Variants in ALG12 observed in about 807,000 individuals in gnomAD.
ALG12 encodes dol-P-Man:Man(7)GlcNAc(2)-PP-Dol alpha-1,6-mannosyltransferase.
ALG12 carries 36 observed loss-of-function variants against 46.0 expected under a neutral mutation model. The observed-to-expected ratio is 0.78, with a 90% confidence interval of 0.60 to 1.03. ALG12 has a LOEUF of 1.03. Ranked by LOEUF, ALG12 falls within the 50% of genes least tolerant of loss-of-function variation. The pLI is 0.00. For missense variants in ALG12, 599 were observed against 633.5 expected, an observed-to-expected ratio of 0.95 and a Z score of 0.58; for synonymous variants, 326 against 291.6, an observed-to-expected ratio of 1.12 and a Z score of -1.20.
At chr22:49,874,632 C>T in the ALG12 span, among the ~76,000 whole-genome samples, 4 of 140,164 alleles carry the variant, frequency 2.9e-5, no homozygotes, top group African/African-American at 7.9e-5. Context: ...CTTGGCCTCC[C>T]GAAGTGCTGG....
intron 5 of ALG12, among the ~76,000 whole-genome samples, 181 bp from the exon 6 acceptor site, chr22:49,909,528 T>TG (rs2060563264): frequency 6.6e-6 from 1 of 152,030 alleles, no homozygotes; most frequent in African/African-American, 2.4e-5. Context: ...ATCATGCCAC[T>TG]GCACTCCATC....
chr22:49,864,943 C>CG, the ALG12 span, among the ~76,000 whole-genome samples: 2 of 10,892 alleles, frequency 1.8e-4, no homozygotes, highest in African/African-American at 4.7e-4. Flanking sequence ...GCAAGCCCCC[C>CG]CCCCCCCCCG....
chr22:49,908,309 C>CTACTACAA (rs199666374), intron 6 of ALG12, among the ~76,000 whole-genome samples: 1 of 129,334 alleles, frequency 7.7e-6, no homozygotes. Context: ...GTGGGTAGAT[C>CTACTACAA]ACGAGGTAAA....
the ALG12 span, among the ~76,000 whole-genome samples, chr22:49,864,913 G>T: frequency 7.4e-6 from 1 of 135,446 alleles, no homozygotes; most frequent in South Asian, 2.4e-4. Flanking sequence ...CTCCTTGATT[G>T]ACCATGGGGT....
chr22:49,913,704 G>A lies in ALG12; in HGVS notation c.62C>T (p.Ala21Val), dbSNP rs766378130. The change falls in exon 2 of 10, where the codon GCC becomes GTC. Residue 21 changes from alanine (A) to valine (V), a missense_variant. Ala to Val is a moderately conservative substitution (Grantham distance 64). Transcript: ENST00000330817. Reference sequence around the variant, plus strand: ...GGGACAGATGACCAGGTGGACAGTGGCTACGGCCACCAGCAGCCCCAGCAG... The same window carrying A: ...GGGACAGATGACCAGGTGGACAGTGACTACGGCCACCAGCAGCCCCAGCAG... ...PLLLGLLVAV[A>V]TVHLVICPYT... 4 of 1,613,370 alleles carry A rather than the reference G, an allele frequency of 2.5e-6. No individual in the cohort carries two copies. In the East Asian group the frequency reaches 8.9e-5, roughly 36 times the overall value.
At chr22:49,872,737 C>T in the ALG12 span, among the ~76,000 whole-genome samples, 4 of 151,592 alleles carry the variant, frequency 2.6e-5, no homozygotes, top group South Asian at 2.1e-4. Context: ...TGGAGACTCA[C>T]TCCATCGCCC....
Position 49,907,831 on chromosome 22 carries a change from C to T in ALG12, c.882G>A (p.Leu294=), listed in dbSNP as rs1381523079. The change falls in exon 7 of 10, where the codon CTG becomes CTA. Residue 294 remains leucine (L), a synonymous_variant. Transcript: ENST00000330817. ...AGTAGAGTGCCATGAAGCCCAGTGC[C>T]AGCACCGTCGGCGCGTGCGTCCTTC... is the stretch of plus-strand genomic sequence containing the variant. ...VDRRTHAPTV[L]ALGFMALYSL... The T allele has an allele frequency of 6.2e-7, 1 of 1,614,084 alleles. No individual in the cohort carries two copies. Among genetic ancestry groups the T allele is most frequent in the Non-Finnish European group, 8.5e-7 (1 of 1,180,016 alleles).
chr22:49,867,769 G>A, the ALG12 span, among the ~76,000 whole-genome samples: 1 of 152,106 alleles, frequency 6.6e-6, no homozygotes, highest in Non-Finnish European at 1.5e-5. Context: ...CTTCCATCCT[G>A]ATACACCCAT....
chr22:49,869,121 C>CAAA, the ALG12 span, among the ~76,000 whole-genome samples: 62 of 93,402 alleles, frequency 6.6e-4, no homozygotes, highest in African/African-American at 1.8e-3. Context: ...AAAACTGTCT[C>CAAA]AAAAAAAAAA....
the ALG12 span, among the ~76,000 whole-genome samples, chr22:49,881,555 T>G: frequency 1.3e-5 from 2 of 152,218 alleles, no homozygotes; most frequent in African/African-American, 2.4e-5. Context: ...TGGCTAATTT[T>G]GTTTGTAAAG....
chr22:49,893,321 C>T, the ALG12 span, among the ~76,000 whole-genome samples: 1 of 152,080 alleles, frequency 6.6e-6, no homozygotes, highest in Non-Finnish European at 1.5e-5. Flanking sequence ...TCTTTGAACC[C>T]CAATGAGGAT....
the ALG12 span, chr22:49,885,816 C>G: frequency 6.3e-7 from 1 of 1,581,866 alleles, no homozygotes; most frequent in East Asian, 2.2e-5. Context: ...TAATTATGTC[C>G]CACCTTAAGG....
At chr22:49,876,733 GATGACTTCTGC>G in the ALG12 span, among the ~76,000 whole-genome samples, 7 of 151,996 alleles carry the variant, frequency 4.6e-5, no homozygotes, top group Non-Finnish European at 7.4e-5. Context: ...TCGTTTTCAT[GATGACTTCTGC>G]ATTGCTCGAG....
chr22:49,884,340 T>C, the ALG12 span: 1 of 1,613,438 alleles, frequency 6.2e-7, no homozygotes, highest in Non-Finnish European at 8.5e-7. Context: ...CAGAGGAGTC[T>C]GTGTCTGTAG....
the ALG12 span, chr22:49,885,231 T>C: frequency 0.012 from 19,152 of 1,611,934 alleles, 377 homozygotes; most frequent in South Asian, 0.067. Flanking sequence ...TGGCAAACTC[T>C]CCGTATGCCA....
At chr22:49,885,999 C>T in the ALG12 span, 22 of 691,392 alleles carry the variant, frequency 3.2e-5, no homozygotes, top group African/African-American at 7.1e-5. Flanking sequence ...ACTGCGACTA[C>T]AGTGGCAACA....
In ALG12 at chr22:49,913,437, C is replaced by T. The variant is rs564172046; in HGVS notation, c.243G>A (p.Ala81=). 135 of 1,613,992 alleles carry T rather than the reference C, an allele frequency of 8.4e-5. No homozygotes were observed. The highest frequency in any genetic ancestry group is 2.7e-4 in the Admixed American group (16 of 60,030). ...PVVIAVFSSP[A]VYVLSLLEMS... is the part of the protein sequence containing the mutation. The stretch of plus-strand genomic sequence containing the variant: ...TTTCTAACAGCGAAAGCACGTAAAC[C>T]GCGGGGCTGGAGAACACTGCGATCA... Residue 81 remains alanine, a synonymous_variant, in exon 3 of 10, where the codon GCG becomes GCA. Transcript: ENST00000330817.
chr22:49,886,637 G>A, the ALG12 span: 7 of 1,589,790 alleles, frequency 4.4e-6, no homozygotes, highest in South Asian at 1.1e-5. The surrounding 1 kb of genome is among the most constrained non-coding windows in gnomAD (Gnocchi z 7.7). Flanking sequence ...ATGGTGAGCC[G>A]CCTGTCTGCC....
rs1304620674 is a variant in ALG12, at chr22:49,903,532, T to C, written c.*306A>G. 3 of 569,088 alleles carry C rather than the reference T, an allele frequency of 5.3e-6. No homozygotes were observed. The highest frequency in any genetic ancestry group is 1.0e-5 in the Non-Finnish European group (3 of 299,820). The allele number at this position is 569,088 out of a possible 1,614,324, so 35.3% of individuals were successfully genotyped here. ...CCTGGGTGAGCCCGCTGCTCCTGAT[T>C]AGTCATGAATGGCACCTGGTCTGGG... On this transcript the variant is annotated 3_prime_UTR_variant, in exon 10 of 10. Transcript: ENST00000330817.
Sources: allele counts gnomAD v4.1 joint callset (sites outside exome capture counted in the v4.1 genomes callset), GRCh38; gene constraint gnomAD v4.1.1; non-coding constraint Gnocchi (gnomAD v3.1); transcripts MANE v1.5; gene names NCBI Gene and HGNC (gene_info 2026-07-23, HGNC 2026-07-21).